Variants in ANO2 observed in about 807,000 individuals in gnomAD.
The protein encoded by ANO2 is anoctamin-2.
A neutral mutation model predicts 124.2 loss-of-function variants in ANO2; 101 were observed. That is an observed-to-expected ratio of 0.81 (90% confidence interval 0.69 to 0.96). The LOEUF is 0.96. ANO2 is among the 40% of genes least tolerant of loss of function. ANO2 has a pLI of 0.00. For missense variants in ANO2, 1,293 were observed against 1,274.5 expected, an observed-to-expected ratio of 1.01 and a Z score of -0.22; for synonymous variants, 486 against 482.5, an observed-to-expected ratio of 1.01 and a Z score of -0.09.
intron 14 of ANO2, among the ~76,000 whole-genome samples, chr12:5,693,850 GT>G (rs1182953682): frequency 6.6e-6 from 1 of 152,072 alleles, no homozygotes; most frequent in Admixed American, 6.5e-5. Flanking sequence ...TTGCATCTGG[GT>G]TTGCTCAGCT....
chr12:5,892,623 G>C (rs1484471241), intron 3 of ANO2, among the ~76,000 whole-genome samples: 1 of 152,164 alleles, frequency 6.6e-6, no homozygotes, highest in African/African-American at 2.4e-5. Flanking sequence ...GAAGGTAGTG[G>C]AGCAACATTT....
chr12:5,727,568 G>A (rs899438728), intron 14 of ANO2, among the ~76,000 whole-genome samples: 3 of 147,614 alleles, frequency 2.0e-5, no homozygotes, highest in Non-Finnish European at 4.5e-5. Flanking sequence ...GTGACTTAAT[G>A]GTGAAAAACT....
At chr12:5,915,080 T>C (rs779038576) in intron 3 of ANO2, among the ~76,000 whole-genome samples, 6 of 152,192 alleles carry the variant, frequency 3.9e-5, no homozygotes, top group Non-Finnish European at 5.9e-5. Flanking sequence ...TCTCCTGAAC[T>C]GCTTAAATTA....
At chr12:5,563,699 G>T in intron 24 of ANO2, 131 bp from the exon 25 acceptor site, 1 of 1,199,742 alleles carries the variant, frequency 8.3e-7, no homozygotes, top group Non-Finnish European at 1.2e-6. Context: ...CAACCAGTGA[G>T]CATAACTCTA....
At chr12:5,764,106 G>C (rs1259583324) in intron 10 of ANO2, among the ~76,000 whole-genome samples, 1 of 149,626 alleles carries the variant, frequency 6.7e-6, no homozygotes, top group South Asian at 2.2e-4. Flanking sequence ...AGACATAAGA[G>C]GTAACAAACA....
At chr12:5,745,317 G>T (rs1951234078) in intron 11 of ANO2, among the ~76,000 whole-genome samples, 1 of 152,318 alleles carries the variant, frequency 6.6e-6, no homozygotes, top group Admixed American at 6.5e-5. Flanking sequence ...CATGGTTCAG[G>T]GGGAAAGGGT....
At chr12:5,611,659 C>T (rs980027070) in intron 19 of ANO2, among the ~76,000 whole-genome samples, 2 of 152,078 alleles carry the variant, frequency 1.3e-5, no homozygotes, top group Non-Finnish European at 2.9e-5. Flanking sequence ...AGCTAAGAAC[C>T]CTGGGCAAAC....
In ANO2 at chr12:5,921,209, G is replaced by A. The variant is rs762636826; in HGVS notation, c.365C>T (p.Ser122Leu). 26 of 1,613,840 alleles carry A rather than the reference G, an allele frequency of 1.6e-5. No homozygotes were observed. The highest frequency in any genetic ancestry group is 9.9e-5 in the South Asian group (9 of 91,068). The stretch of plus-strand genomic sequence containing the variant: ...CTCCCCATTGGAGACGATAGCCAGC[G>A]AGTGGCCAGGGAAGCCTTGGGCCAG... ...VHLAQGFPGHSLAIVSNGETG... is the reference protein window; with the variant it reads ...VHLAQGFPGHLLAIVSNGETG... The change falls in exon 3 of 25, where the codon TCG (serine) becomes TTG (leucine). Residue 122 changes from serine (S) to leucine (L), a missense_variant. Coordinates refer to ENST00000682330, the MANE Select transcript of ANO2 (RefSeq NM_001364791.2).
At chr12:5,726,805 C>T (rs1170843767) in intron 14 of ANO2, among the ~76,000 whole-genome samples, 1 of 152,088 alleles carries the variant, frequency 6.6e-6, no homozygotes, top group Non-Finnish European at 1.5e-5. Context: ...CAGTCCAATC[C>T]CCCAAACCAA....
Position 5,921,383 on chromosome 12 carries a change from G to A in ANO2, c.208-17C>T, listed in dbSNP as rs777652452. On this transcript the variant is annotated splice_polypyrimidine_tract_variant and intron_variant, in intron 2 of 24. Coordinates refer to ENST00000682330, the MANE Select transcript of ANO2 (RefSeq NM_001364791.2). ...GTTGATGACCTGGCCAGAGAGAGAG[G>A]AGAGGCAGGGCAAGGTCTGGTGAGT... 9 of 1,609,034 alleles carry A rather than the reference G, an allele frequency of 5.6e-6. No individual in the cohort carries two copies. The African/African-American group carries it at 1.2e-4, about 21-fold the overall frequency.
At chr12:5,763,253 A>C (rs776909239) in intron 10 of ANO2, among the ~76,000 whole-genome samples, 11 of 152,078 alleles carry the variant, frequency 7.2e-5, no homozygotes, top group South Asian at 4.1e-4. Flanking sequence ...ACTGTCAAAT[A>C]AGAAATGATG....
At position 5,832,470 on chromosome 12, in the gene ANO2, G is replaced by A; in HGVS notation, c.767C>T (p.Ser256Phe). ...NKMKNLSYPF[S>F]REKMYLYNIQ... ...TACTCACAGGTACATCTTCTCCCTGGAGAATGGGTAGGAGAGGTTTTTCAT... is the reference window on the plus strand; with the variant it reads ...TACTCACAGGTACATCTTCTCCCTGAAGAATGGGTAGGAGAGGTTTTTCAT... The change falls in exon 5 of 25, where the codon TCC becomes TTC. Residue 256 changes from serine (S) to phenylalanine (F), a missense_variant. Transcript: ENST00000682330. 1.2e-6 allele frequency: 2 copies of A among 1,613,946 alleles called. No homozygotes were observed. The highest frequency in any genetic ancestry group is 1.3e-5 in the African/African-American group (1 of 75,034).
intron 15 of ANO2, among the ~76,000 whole-genome samples, chr12:5,638,003 T>C (rs10492183): frequency 0.18 from 26,862 of 152,044 alleles, 2,821 homozygotes; most frequent in Non-Finnish European, 0.24. Context: ...CTCTTCTGGA[T>C]CATGGTAGAA....
chr12:5,878,037 A>G (rs532368799), intron 3 of ANO2, among the ~76,000 whole-genome samples: 14 of 152,374 alleles, frequency 9.2e-5, no homozygotes, highest in Admixed American at 6.5e-4. Context: ...TGCAGCACTA[A>G]GAGTCATGTC....
chr12:5,767,172 G>T (rs1410410328), intron 10 of ANO2, among the ~76,000 whole-genome samples: 1 of 152,216 alleles, frequency 6.6e-6, no homozygotes, highest in Admixed American at 6.5e-5. Flanking sequence ...AAGATGTCAG[G>T]CTTTCCTGGT....
chr12:5,666,506 G>A (rs759089), intron 14 of ANO2, among the ~76,000 whole-genome samples: 63,110 of 151,700 alleles, frequency 0.42, 13,669 homozygotes, highest in East Asian at 0.68. Context: ...AATGCACAGC[G>A]ACCTGAGCTC....
chr12:5,916,711 C>CT (rs1005809702), intron 3 of ANO2, among the ~76,000 whole-genome samples: 20 of 123,916 alleles, frequency 1.6e-4, no homozygotes, highest in African/African-American at 3.3e-4. Context: ...ACAATAAAGT[C>CT]TTTTTTTTAA....
Position 5,938,061 on chromosome 12 carries a change from T to C in ANO2, c.22+7135A>G, listed in dbSNP as rs371032851. On this transcript the variant is annotated intron_variant, in intron 1 of 24. Transcript: ENST00000682330. ...CAGCTTCTCTCTGGCAAACTTCATA[T>C]GCCTCACCCTGTGCATGTGAAGCCT... 3.3e-5 allele frequency among the ~76,000 whole-genome samples: 5 copies of C among 152,232 alleles called. No individual in the cohort carries two copies. The East Asian group carries it at 9.6e-4, about 29-fold the overall frequency.
intron 16 of ANO2, among the ~76,000 whole-genome samples, chr12:5,621,492 G>T (rs1013209986): frequency 4.6e-5 from 7 of 152,186 alleles, no homozygotes; most frequent in African/African-American, 1.7e-4. Flanking sequence ...GGGTGCTGGA[G>T]TTGGAGGCAG....
Sources: allele counts gnomAD v4.1 joint callset (sites outside exome capture counted in the v4.1 genomes callset), GRCh38; gene constraint gnomAD v4.1.1; transcripts MANE v1.5; gene names NCBI Gene and HGNC (gene_info 2026-07-23, HGNC 2026-07-21).